The following LRRC4C variants were observed in gnomAD, a reference collection of about 807,000 sequenced individuals.
LRRC4C encodes the protein leucine-rich repeat-containing protein 4C.
A neutral mutation model predicts 33.6 loss-of-function variants in LRRC4C; 5 were observed. The observed-to-expected ratio is 0.15, with a 90% CI of 0.08 to 0.31. The LOEUF is 0.31. Among genes scored for constraint, LRRC4C ranks in the 10% least tolerant of loss-of-function variants. The probability of loss-of-function intolerance (pLI) is 1.00; values close to 1 mark genes in which losing one functional copy is unlikely to be tolerated. For missense variants in LRRC4C, 560 were observed against 796.7 expected, an observed-to-expected ratio of 0.70 and a Z score of 3.58; for synonymous variants, 329 against 302.0, an observed-to-expected ratio of 1.09 and a Z score of -0.93.
At chr11:40,540,381 A>G in intron 3 of LRRC4C, among the ~76,000 whole-genome samples, 1 of 152,242 alleles carries the variant, frequency 6.6e-6, no homozygotes, top group African/African-American at 2.4e-5. Context: ...TCCCCTACGT[A>G]ACCTGCCAAC....
rs1315180573 is a variant in LRRC4C, at chr11:40,944,043, T to A, written c.-495-10320A>T. ...GGTTGTCCTAAATACGGACGGTAAA[T>A]ACACATCATTACATCTAACACCTAT... On this transcript the variant is annotated intron_variant, in intron 1 of 6. Transcript: ENST00000528697. 5.3e-5 allele frequency among the ~76,000 whole-genome samples: 8 copies of A among 152,276 alleles called. No homozygotes were observed. The South Asian group carries it at 1.7e-3, about 32-fold the overall frequency.
chr11:41,007,403 T>A (rs1325231961), intron 1 of LRRC4C, among the ~76,000 whole-genome samples: 1 of 152,070 alleles, frequency 6.6e-6, no homozygotes, highest in Non-Finnish European at 1.5e-5. Context: ...TTGCCAAGGA[T>A]TATACAATTT....
At chr11:40,395,657 T>C (rs1454247907) in intron 3 of LRRC4C, among the ~76,000 whole-genome samples, 7 of 152,134 alleles carry the variant, frequency 4.6e-5, no homozygotes, top group African/African-American at 1.4e-4. Flanking sequence ...TGTGTGCTAT[T>C]CAATTGCTTA....
intron 1 of LRRC4C, among the ~76,000 whole-genome samples, chr11:41,083,829 A>T (rs1343390445): frequency 6.6e-6 from 1 of 152,170 alleles, no homozygotes; most frequent in Non-Finnish European, 1.5e-5. Flanking sequence ...GAATATTGTG[A>T]TTCATGACAG....
chr11:41,385,227 T>C (rs1053525656), intron 1 of LRRC4C, among the ~76,000 whole-genome samples: 4 of 151,434 alleles, frequency 2.6e-5, no homozygotes, highest in African/African-American at 7.3e-5. Flanking sequence ...AAAAATCATG[T>C]GGCCAATTTA....
At chr11:41,194,373 A>T (rs1327313670) in intron 1 of LRRC4C, among the ~76,000 whole-genome samples, 1 of 151,918 alleles carries the variant, frequency 6.6e-6, no homozygotes, top group East Asian at 1.9e-4. Flanking sequence ...GAGACATAAA[A>T]CTCATGATTG....
At chr11:40,759,959 CAACAAA>C (rs1949125275) in intron 2 of LRRC4C, among the ~76,000 whole-genome samples, 6 of 118,230 alleles carry the variant, frequency 5.1e-5, no homozygotes, top group Non-Finnish European at 5.2e-5. Flanking sequence ...CAAACAACAA[CAACAAA>C]AAAAAAAAAA....
chr11:40,150,644 A>G (rs767689901), intron 5 of LRRC4C, among the ~76,000 whole-genome samples: 4 of 152,084 alleles, frequency 2.6e-5, no homozygotes, highest in African/African-American at 4.8e-5. Flanking sequence ...TGGTCTCACC[A>G]TCTTGTCCAG....
At chr11:40,394,747 T>C (rs1014823310) in intron 3 of LRRC4C, among the ~76,000 whole-genome samples, 3 of 152,110 alleles carry the variant, frequency 2.0e-5, no homozygotes, top group Non-Finnish European at 4.4e-5. Flanking sequence ...GTAGAAGTGA[T>C]AGAGAGAAGC....
chr11:40,769,640 C>T (rs980546776), intron 2 of LRRC4C, among the ~76,000 whole-genome samples: 5 of 151,958 alleles, frequency 3.3e-5, no homozygotes, highest in Admixed American at 6.6e-5. Context: ...ATACATAGAC[C>T]AATTGAACAG....
intron 2 of LRRC4C, among the ~76,000 whole-genome samples, chr11:40,791,147 T>A (rs1950607766): frequency 6.6e-6 from 1 of 152,184 alleles, no homozygotes; most frequent in Non-Finnish European, 1.5e-5. Flanking sequence ...ATGAATTTGC[T>A]CATTCCTTGC....
At chr11:40,384,683 C>T (rs1949034610) in intron 3 of LRRC4C, among the ~76,000 whole-genome samples, 1 of 152,070 alleles carries the variant, frequency 6.6e-6, no homozygotes, top group Admixed American at 6.5e-5. Flanking sequence ...CTTTTAGCTC[C>T]TACATTTTGC....
intron 1 of LRRC4C, among the ~76,000 whole-genome samples, chr11:41,102,714 C>A (rs1156669295): frequency 6.6e-6 from 1 of 151,976 alleles, no homozygotes; most frequent in African/African-American, 2.4e-5. Flanking sequence ...ACATTTCTGA[C>A]CAAAGGGCAG....
chr11:41,113,788 T>A (rs2135717716), intron 1 of LRRC4C, among the ~76,000 whole-genome samples: 1 of 151,358 alleles, frequency 6.6e-6, no homozygotes, highest in East Asian at 2.0e-4. Context: ...TTTCATGAGT[T>A]TTTTTTTTAA....
chr11:41,103,796 G>A (rs1209643794), intron 1 of LRRC4C, among the ~76,000 whole-genome samples: 2 of 151,874 alleles, frequency 1.3e-5, no homozygotes, highest in East Asian at 3.9e-4. Context: ...TAGATCCATG[G>A]CAAAAAATTA....
At chr11:40,526,984 C>A (rs866991829) in intron 3 of LRRC4C, among the ~76,000 whole-genome samples, 1 of 152,002 alleles carries the variant, frequency 6.6e-6, no homozygotes, top group Non-Finnish European at 1.5e-5. Context: ...GAGCTGAGGA[C>A]AATAGAATTT....
intron 1 of LRRC4C, among the ~76,000 whole-genome samples, chr11:41,082,635 A>G (rs1939665384): frequency 6.6e-6 from 1 of 152,168 alleles, no homozygotes; most frequent in Non-Finnish European, 1.5e-5. Flanking sequence ...AGGTCACAGA[A>G]CTAACAAGGG....
rs191673248 is a variant in LRRC4C, at chr11:40,677,463, A to G, written c.-406-29185T>C. Among the ~76,000 whole-genome samples the G allele has an allele frequency of 4.9e-3, 749 of 152,284 alleles. 3 individuals carry two copies. The highest frequency in any genetic ancestry group is 8.3e-3 in the Non-Finnish European group (566 of 68,026). On this transcript the variant is annotated intron_variant, in intron 2 of 6. Coordinates refer to ENST00000528697, the MANE Select transcript of LRRC4C (RefSeq NM_001258419.2). ...CCAATAATAGACACATTTAATATGT[A>G]AGTCTTTAGATCAAATAAAAGCATG...
intron 3 of LRRC4C, among the ~76,000 whole-genome samples, chr11:40,322,818 G>A (rs1391203770): frequency 6.6e-6 from 1 of 152,168 alleles, no homozygotes; most frequent in Non-Finnish European, 1.5e-5. Context: ...CTGTCCCAGA[G>A]TAAGCATATA....
Sources: allele counts gnomAD v4.1 joint callset (sites outside exome capture counted in the v4.1 genomes callset), GRCh38; gene constraint gnomAD v4.1.1; transcripts MANE v1.5; gene names NCBI Gene and HGNC (gene_info 2026-07-23, HGNC 2026-07-21).